The following CAST variants were observed in gnomAD, a reference collection of about 807,000 sequenced individuals.
CAST encodes the protein MIR583 host.
In CAST, 76 loss-of-function variants were observed where a neutral mutation model predicts 119.6. The observed-to-expected ratio is 0.64, with a 90% CI of 0.53 to 0.77. The LOEUF (loss-of-function observed/expected upper bound fraction) is 0.77, where lower values mean the gene tolerates loss of function less well. Ranked by LOEUF, CAST falls within the 30% of genes least tolerant of loss-of-function variation. CAST has a pLI of 0.00. For missense variants in CAST, 953 were observed against 946.5 expected, an observed-to-expected ratio of 1.01 and a Z score of -0.09; for synonymous variants, 319 against 331.6, an observed-to-expected ratio of 0.96 and a Z score of 0.41.
the CAST span, among the ~76,000 whole-genome samples, chr5:96,105,641 A>G: frequency 3.9e-5 from 6 of 152,204 alleles, no homozygotes; most frequent in Admixed American, 2.0e-4. Flanking sequence ...GTTTGGCAGT[A>G]TTTTATTGAG....
At position 96,750,205 on chromosome 5, in the gene CAST, T is replaced by C. The variant is rs117164783; in HGVS notation, c.1429-382T>C. Among the ~76,000 whole-genome samples the C allele has an allele frequency of 8.3e-4, 126 of 152,292 alleles. 3 individuals are homozygous for C. In the East Asian group the frequency reaches 0.021, roughly 25 times the overall value. ...AATGACAAATAAATAATAGAAATAATAGCAATAATTGCTCAAATGTATTGA... is the reference window on the plus strand; with the variant it reads ...AATGACAAATAAATAATAGAAATAACAGCAATAATTGCTCAAATGTATTGA... On this transcript the variant is annotated intron_variant, in intron 19 of 31. Coordinates refer to ENST00000675179, the MANE Select transcript of CAST (RefSeq NM_001750.7).
chr5:96,403,186 T>G, the CAST span, among the ~76,000 whole-genome samples: 5 of 152,200 alleles, frequency 3.3e-5, no homozygotes, highest in Non-Finnish European at 5.9e-5. Flanking sequence ...GGTTATTTTG[T>G]TTTAAAAATT....
intron 10 of CAST, among the ~76,000 whole-genome samples, chr5:96,736,927 G>A (rs906899986): frequency 1.3e-5 from 2 of 152,078 alleles, no homozygotes; most frequent in Non-Finnish European, 2.9e-5. Flanking sequence ...TGTGTGGCTG[G>A]GGAGGCCTCA....
At chr5:96,521,037 G>T (rs926372528), upstream of CAST, among the ~76,000 whole-genome samples, 2 of 152,030 alleles carry the variant, frequency 1.3e-5, no homozygotes, top group Non-Finnish European at 2.9e-5. Flanking sequence ...CTGAATCTTT[G>T]GAAGATTCAG....
chr5:96,201,912 T>C, the CAST span, among the ~76,000 whole-genome samples: 2 of 152,128 alleles, frequency 1.3e-5, no homozygotes, highest in East Asian at 1.9e-4. Flanking sequence ...GGGCAAAGTT[T>C]GGCTATCTTT....
chr5:96,694,063 T>C (rs918961960), intron 2 of CAST, among the ~76,000 whole-genome samples: 1 of 152,134 alleles, frequency 6.6e-6, no homozygotes, highest in East Asian at 1.9e-4. Flanking sequence ...AAGGCAAAAT[T>C]TACCCTGAAG....
intron 29 of CAST, 155 bp from the exon 30 acceptor site, chr5:96,770,376 T>C (rs537782500): frequency 1.2e-5 from 7 of 588,700 alleles, no homozygotes; most frequent in African/African-American, 3.7e-5. Flanking sequence ...TCTGACACCG[T>C]TGTTCAAAAA....
chr5:96,613,125 G>C (rs553132712), intron 1 of CAST, among the ~76,000 whole-genome samples: 1 of 152,082 alleles, frequency 6.6e-6, no homozygotes, highest in African/African-American at 2.4e-5. Flanking sequence ...CTTGATATCT[G>C]GTAGAGTGAC....
chr5:96,445,595 C>A, the CAST span, among the ~76,000 whole-genome samples: 28 of 152,294 alleles, frequency 1.8e-4, no homozygotes, highest in Non-Finnish European at 3.5e-4. Context: ...AATCTTTTCT[C>A]TTCTCCCAGT....
chr5:96,435,676 G>T, the CAST span, among the ~76,000 whole-genome samples: 9 of 152,102 alleles, frequency 5.9e-5, no homozygotes, highest in Non-Finnish European at 8.8e-5. Context: ...ATAGAAAACC[G>T]GATACTCCAG....
rs907830457 is a variant in CAST, at chr5:96,676,452, T to G, written c.138+851T>G. On this transcript the variant is annotated intron_variant, in intron 2 of 31. Transcript: ENST00000675179. ...TCTTCTTTCTGCTTATTTTCTGCAGTTTCAAAATAGTCAATATGTAAGGAG... is the reference window on the plus strand; with the variant it reads ...TCTTCTTTCTGCTTATTTTCTGCAGGTTCAAAATAGTCAATATGTAAGGAG... Among the ~76,000 whole-genome samples, 7 of 152,160 alleles carry G rather than the reference T, an allele frequency of 4.6e-5. No individual in the cohort carries two copies. The East Asian group carries it at 1.3e-3, about 29-fold the overall frequency.
chr5:96,488,285 T>C, the CAST span, among the ~76,000 whole-genome samples: 2 of 152,130 alleles, frequency 1.3e-5, no homozygotes, highest in Non-Finnish European at 2.9e-5. Context: ...CTGTGACAAA[T>C]AGAACTCACA....
the CAST span, among the ~76,000 whole-genome samples, chr5:96,095,295 T>C: frequency 6.6e-6 from 1 of 152,030 alleles, no homozygotes; most frequent in Non-Finnish European, 1.5e-5. Flanking sequence ...TGTTCTAAGG[T>C]AGAATTCTGG....
At chr5:96,232,288 A>G in the CAST span, among the ~76,000 whole-genome samples, 326 of 152,236 alleles carry the variant, frequency 2.1e-3, 1 homozygote, top group Non-Finnish European at 3.9e-3. Context: ...ACTCTGATGC[A>G]AATAGAGAAA....
At chr5:96,316,620 A>G in the CAST span, among the ~76,000 whole-genome samples, 2 of 152,222 alleles carry the variant, frequency 1.3e-5, no homozygotes, top group African/African-American at 4.8e-5. Flanking sequence ...GTTGTAACAA[A>G]GAAACTTTCT....
chr5:96,120,566 T>G, the CAST span, among the ~76,000 whole-genome samples: 25 of 151,436 alleles, frequency 1.7e-4, 1 homozygote, highest in East Asian at 4.4e-3. Context: ...TCTGACCCTG[T>G]GCCCTGCTAT....
At chr5:96,529,191 C>A (rs1336507733), upstream of CAST, among the ~76,000 whole-genome samples, 3 of 152,070 alleles carry the variant, frequency 2.0e-5, no homozygotes, top group East Asian at 5.8e-4. Context: ...ATCAAACAAA[C>A]CTTGTTAATT....
intron 22 of CAST, among the ~76,000 whole-genome samples, chr5:96,756,001 A>C (rs1766234256): frequency 6.6e-6 from 1 of 152,162 alleles, no homozygotes; most frequent in Non-Finnish European, 1.5e-5. Context: ...AGTAGTGTTT[A>C]AGGAAGCAGT....
the CAST span, among the ~76,000 whole-genome samples, chr5:96,094,583 C>T: frequency 2.6e-5 from 4 of 152,120 alleles, no homozygotes; most frequent in African/African-American, 9.7e-5. Context: ...ATATTTAATA[C>T]TTTCAGTGAT....
Sources: gnomAD v4.1 joint callset for allele counts (sites outside exome capture counted in the v4.1 genomes callset) on GRCh38, gnomAD v4.1.1 for gene constraint, MANE v1.5 for transcripts, NCBI Gene and HGNC (gene_info 2026-07-23, HGNC 2026-07-21) for gene names.